The following PDE11A variants were observed in gnomAD, a reference collection of about 807,000 sequenced individuals.
PDE11A encodes the protein phosphodiesterase 11A, also known as dual 3',5'-cyclic-AMP and -GMP phosphodiesterase 11A.
Under a neutral mutation model 100.5 loss-of-function variants are expected in PDE11A, and 100 were observed. That is an observed-to-expected ratio of 1.00 (90% CI 0.85 to 1.18). The LOEUF is 1.18. Among genes scored for constraint, PDE11A ranks in the 50% most tolerant of loss-of-function variants. PDE11A has a pLI of 0.00. For synonymous variants in PDE11A, 381 were observed against 420.8 expected (o/e 0.91, Z 1.16); for missense variants, 1,141 against 1,152.6 (o/e 0.99, Z 0.15).
chr2:177,637,928 T>C (rs531258500), intron 19 of PDE11A, among the ~76,000 whole-genome samples: 5 of 145,170 alleles, frequency 3.4e-5, no homozygotes, highest in African/African-American at 1.0e-4. Context: ...CACATACATA[T>C]ATACATATAT....
chr2:177,639,297 C>T (rs974008742), intron 19 of PDE11A, among the ~76,000 whole-genome samples: 3 of 151,990 alleles, frequency 2.0e-5, no homozygotes, highest in African/African-American at 7.3e-5. Context: ...TTGTTTTGGC[C>T]CGTTACTCAA....
At chr2:178,037,190 A>C (rs1367018809) in intron 1 of PDE11A, among the ~76,000 whole-genome samples, 1 of 152,190 alleles carries the variant, frequency 6.6e-6, no homozygotes, top group Non-Finnish European at 1.5e-5. Flanking sequence ...AAAACAAACA[A>C]CACCATGAAA....
chr2:177,988,923 T>G (rs138429147), intron 2 of PDE11A, among the ~76,000 whole-genome samples: 9 of 152,292 alleles, frequency 5.9e-5, no homozygotes, highest in African/African-American at 1.9e-4. Context: ...TCAAAACTCA[T>G]CAGGGTTTCT....
At chr2:177,813,362 G>T (rs974388404) in intron 9 of PDE11A, among the ~76,000 whole-genome samples, 2 of 152,140 alleles carry the variant, frequency 1.3e-5, no homozygotes, top group African/African-American at 4.8e-5. Context: ...AAGAACTGAG[G>T]ATTCCTGTAC....
chr2:177,735,664 G>T (rs1443246410), intron 10 of PDE11A, among the ~76,000 whole-genome samples: 1 of 152,218 alleles, frequency 6.6e-6, no homozygotes, highest in Non-Finnish European at 1.5e-5. Context: ...TGTTCACAGA[G>T]ATCCAAGACT....
At chr2:178,106,821 G>T (rs1309892580) in intron 1 of PDE11A, among the ~76,000 whole-genome samples, 1 of 151,830 alleles carries the variant, frequency 6.6e-6, no homozygotes, top group Non-Finnish European at 1.5e-5. Context: ...TTAGCCGGGT[G>T]TGGTGGTGCA....
chr2:178,037,029 A>G (rs1464955627), intron 1 of PDE11A, among the ~76,000 whole-genome samples: 1 of 152,246 alleles, frequency 6.6e-6, no homozygotes, highest in Non-Finnish European at 1.5e-5. Flanking sequence ...AATGAGATCT[A>G]GTCAAACTAA....
intron 10 of PDE11A, among the ~76,000 whole-genome samples, chr2:177,761,228 G>A (rs757509641): frequency 2.0e-5 from 3 of 152,016 alleles, no homozygotes; most frequent in Admixed American, 6.6e-5. Context: ...CAAAGAAAAC[G>A]AATCCCTTTA....
intron 5 of PDE11A, among the ~76,000 whole-genome samples, chr2:177,856,713 T>C (rs368803539): frequency 3.9e-5 from 6 of 152,106 alleles, no homozygotes; most frequent in Admixed American, 1.3e-4. Context: ...AAAGCATCAT[T>C]GAACTTGAAG....
chr2:177,954,981 A>G (rs1321578132), intron 2 of PDE11A, among the ~76,000 whole-genome samples: 4 of 152,206 alleles, frequency 2.6e-5, no homozygotes, highest in African/African-American at 9.7e-5. Context: ...TAAAAAAGCA[A>G]TATTCTCCTA....
intron 2 of PDE11A, among the ~76,000 whole-genome samples, chr2:177,926,394 C>T (rs2085124567): frequency 6.6e-6 from 1 of 152,142 alleles, no homozygotes; most frequent in Non-Finnish European, 1.5e-5. Context: ...CTTACTGTCT[C>T]AGAAACAAAT....
At chr2:178,032,796 G>T (rs1281217634) in intron 1 of PDE11A, among the ~76,000 whole-genome samples, 1 of 152,174 alleles carries the variant, frequency 6.6e-6, no homozygotes, top group Non-Finnish European at 1.5e-5. Flanking sequence ...CAGCAGACCT[G>T]CAGAAGAGGG....
intron 9 of PDE11A, among the ~76,000 whole-genome samples, chr2:177,774,212 C>T (rs1240674812): frequency 6.6e-6 from 1 of 152,172 alleles, no homozygotes; most frequent in Non-Finnish European, 1.5e-5. Flanking sequence ...AAGCCTGTGA[C>T]CAAATGTATT....
chr2:177,795,227 T>C (rs1277696379), intron 9 of PDE11A, among the ~76,000 whole-genome samples: 2 of 152,108 alleles, frequency 1.3e-5, no homozygotes, highest in African/African-American at 4.8e-5. Context: ...GGGAGGAGTG[T>C]TTAGGGTGGG....
intron 19 of PDE11A, among the ~76,000 whole-genome samples, chr2:177,637,997 ATTTTT>A (rs10556235): frequency 0.038 from 4,081 of 106,514 alleles, 324 homozygotes; most frequent in African/African-American, 0.15. Flanking sequence ...ATATATATAT[ATTTTT>A]TTTTTTTTTT....
At chr2:177,992,019 C>A (rs1239450774) in intron 2 of PDE11A, among the ~76,000 whole-genome samples, 1 of 151,136 alleles carries the variant, frequency 6.6e-6, no homozygotes, top group Non-Finnish European at 1.5e-5. Flanking sequence ...GGGGGGAGTA[C>A]CTGATAACCT....
upstream of PDE11A, among the ~76,000 whole-genome samples, chr2:178,074,659 A>C (rs1049160101): frequency 1.3e-5 from 2 of 152,212 alleles, no homozygotes; most frequent in African/African-American, 4.8e-5. Flanking sequence ...GGACAAAAGA[A>C]GACCAAGACA....
At chr2:177,730,256 G>A (rs370090834) in intron 10 of PDE11A, among the ~76,000 whole-genome samples, 11 of 152,200 alleles carry the variant, frequency 7.2e-5, no homozygotes, top group African/African-American at 2.6e-4. Flanking sequence ...ATCCCGGTGT[G>A]TGATGTTCCC....
chr2:177,969,603 G>A (rs1366088618), intron 2 of PDE11A, among the ~76,000 whole-genome samples: 1 of 151,966 alleles, frequency 6.6e-6, no homozygotes, highest in East Asian at 1.9e-4. Flanking sequence ...ATTCCTATAT[G>A]TGCAAAATTT....
Sources: gnomAD v4.1 joint callset for allele counts (sites outside exome capture counted in the v4.1 genomes callset) on GRCh38, gnomAD v4.1.1 for gene constraint, MANE v1.5 for transcripts, NCBI Gene and HGNC (gene_info 2026-07-23, HGNC 2026-07-21) for gene names.